Variants in ADAP2 observed in about 807,000 individuals in gnomAD.
The protein encoded by ADAP2 is arf-GAP with dual PH domain-containing protein 2.
ADAP2 carries 42 observed loss-of-function variants against 54.9 expected under a neutral mutation model. The observed-to-expected ratio is 0.77, with a 90% CI of 0.60 to 0.99. The LOEUF (loss-of-function observed/expected upper bound fraction) is 0.99. Among genes scored for constraint, ADAP2 ranks in the 50% least tolerant of loss-of-function variants. The probability of loss-of-function intolerance (pLI) is 0.00; values close to 1 mark genes in which losing one functional copy is unlikely to be tolerated. For missense variants in ADAP2, 429 were observed against 480.4 expected, an observed-to-expected ratio of 0.89 and a Z score of 1.00; for synonymous variants, 177 against 180.1, an observed-to-expected ratio of 0.98 and a Z score of 0.14.
intron 7 of ADAP2, among the ~76,000 whole-genome samples, chr17:30,951,272 G>A (rs1402369569): frequency 6.6e-6 from 1 of 152,120 alleles, no homozygotes; most frequent in Admixed American, 6.6e-5. Flanking sequence ...AGACTCCAGC[G>A]AGCCAAGGCA....
intron 5 of ADAP2, among the ~76,000 whole-genome samples, chr17:30,938,465 A>G (rs1305642406): frequency 6.6e-6 from 1 of 152,184 alleles, no homozygotes; most frequent in Non-Finnish European, 1.5e-5. Flanking sequence ...GGGGAGGGGA[A>G]ATAGATTCAA....
intron 5 of ADAP2, among the ~76,000 whole-genome samples, chr17:30,939,925 A>G (rs1485097577): frequency 6.6e-6 from 1 of 152,138 alleles, no homozygotes; most frequent in Non-Finnish European, 1.5e-5. Flanking sequence ...GGTCCTGGGA[A>G]TTTAACCATG....
rs1904917496 is a variant in ADAP2 at position 30,954,535 on chromosome 17, C to T, written c.862C>T (p.Leu288Phe). The T allele has an allele frequency of 6.2e-7, 1 of 1,614,070 alleles. No individual in the cohort carries two copies. The highest frequency in any genetic ancestry group is 8.5e-7 in the Non-Finnish European group (1 of 1,179,968). Residue 288 changes from leucine to phenylalanine, a missense_variant, in exon 9 of 11, where the codon CTC becomes TTC. Coordinates refer to ENST00000330889, the MANE Select transcript of ADAP2 (RefSeq NM_018404.3). ...CCTGGATTGCCATGAGCGGAGGCTG[C>T]TCTATTACAAGAACCCACTGGTAAG... ...FALDCHERRL[L>F]YYKNPLDAFE...
intron 3 of ADAP2, among the ~76,000 whole-genome samples, chr17:30,930,379 C>G (rs1183486281): frequency 6.6e-6 from 1 of 151,966 alleles, no homozygotes; most frequent in African/African-American, 2.4e-5. Context: ...GCCAGAAGCC[C>G]AGTTTAAACC....
intron 5 of ADAP2, among the ~76,000 whole-genome samples, chr17:30,936,268 C>T (rs1216523099): frequency 6.6e-6 from 1 of 152,134 alleles, no homozygotes; most frequent in Non-Finnish European, 1.5e-5. Context: ...ACTCCTCCTG[C>T]TCCGGTCTCT....
In ADAP2 at chr17:30,942,263, AG is replaced by A. The variant is rs561181418; in HGVS notation, c.511-2643del. Among the ~76,000 whole-genome samples the A allele has an allele frequency of 7.2e-4, 110 of 152,320 alleles. 2 individuals are homozygous for A. The highest frequency in any genetic ancestry group is 1.4e-3 in the Non-Finnish European group (92 of 68,044). On this transcript the variant is annotated intron_variant, in intron 5 of 10. Coordinates refer to ENST00000330889, the MANE Select transcript of ADAP2 (RefSeq NM_018404.3). ...ACTACACCTCAATAAATGTTGATTA[AG>A]TGAAAATTAACAATGAGATACAATT...
chr17:30,925,572 T>C (rs1001891965), intron 2 of ADAP2, among the ~76,000 whole-genome samples: 3 of 149,612 alleles, frequency 2.0e-5, no homozygotes, highest in African/African-American at 2.5e-5. Context: ...TTCTTCTCTT[T>C]TCTTTTCTTT....
intron 2 of ADAP2, 113 bp from the exon 3 acceptor site, chr17:30,926,714 C>T (rs890849118): frequency 1.0e-4 from 89 of 869,480 alleles, no homozygotes; most frequent in Non-Finnish European, 1.4e-4. Context: ...CCCGGTGGGA[C>T]ATCTCCTTCT....
At chr17:30,925,848 C>T (rs540283989) in intron 2 of ADAP2, among the ~76,000 whole-genome samples, 4 of 152,124 alleles carry the variant, frequency 2.6e-5, no homozygotes, top group Non-Finnish European at 5.9e-5. Context: ...CAACCTCTGC[C>T]TCCCGGGTTC....
In ADAP2 at chr17:30,949,388, C is replaced by A; in HGVS notation, c.741+18C>A. The A allele has an allele frequency of 1.2e-6, 2 of 1,608,038 alleles. No homozygotes were observed. Among genetic ancestry groups the A allele is most frequent in the South Asian group, 1.1e-5 (1 of 90,956 alleles). ...AGTCTGAGGTGAGCTAAATGCGGAC[C>A]CCAATTTCTGAATCTCCTCTTGGCC... On this transcript the variant is annotated intron_variant, in intron 7 of 10. Coordinates refer to ENST00000330889, the MANE Select transcript of ADAP2 (RefSeq NM_018404.3).
intron 2 of ADAP2, among the ~76,000 whole-genome samples, chr17:30,924,349 G>A (rs1456355756): frequency 2.0e-5 from 3 of 151,684 alleles, no homozygotes; most frequent in South Asian, 2.1e-4. Context: ...CTCCAGCCAG[G>A]GTGAGAGTGA....
In ADAP2 at chr17:30,958,490, G is replaced by A. The variant is rs781630785; in HGVS notation, c.*621G>A. ...CAGAGCACCAAGTCCCCTGCTCTGT[G>A]ACTCGTTGTTCCTTTCCTCTGTCTT... On this transcript the variant is annotated 3_prime_UTR_variant, in exon 11 of 11. Coordinates refer to ENST00000330889, the MANE Select transcript of ADAP2 (RefSeq NM_018404.3). 1.3e-5 allele frequency: 2 copies of A among 152,450 alleles called. No individual in the cohort carries two copies. The highest frequency in any genetic ancestry group is 2.9e-5 in the Non-Finnish European group (2 of 68,232). The allele number at this position is 152,450 out of a possible 1,614,324, so 9.4% of individuals were successfully genotyped here.
At position 30,954,470 on chromosome 17, in the gene ADAP2, T is replaced by C. The variant is rs751329619; in HGVS notation, c.805-8T>C. 6.8e-6 allele frequency: 11 copies of C among 1,613,926 alleles called. No individual in the cohort carries two copies. Among genetic ancestry groups the C allele is most frequent in the Non-Finnish European group, 9.3e-6 (11 of 1,179,808 alleles). ...GTCATCTGTGGTAAGAAGTTCCCTC[T>C]TTTGCAGCAGAAAGAACCTTTCAAG... On this transcript the variant is annotated splice_polypyrimidine_tract_variant and splice_region_variant and intron_variant, in intron 8 of 10. Transcript: ENST00000330889.
At chr17:30,926,719 C>A in intron 2 of ADAP2, 108 bp from the exon 3 acceptor site, 1 of 940,398 alleles carries the variant, frequency 1.1e-6, no homozygotes, top group Non-Finnish European at 1.7e-6. Flanking sequence ...TGGGACATCT[C>A]CTTCTTGGAG....
At chr17:30,955,100 T>C (rs944279660) in intron 9 of ADAP2, among the ~76,000 whole-genome samples, 3 of 144,924 alleles carry the variant, frequency 2.1e-5, no homozygotes, top group African/African-American at 8.7e-5. Flanking sequence ...TCCGTAAATG[T>C]TAGGTATCAC....
chr17:30,954,323 C>T, intron 8 of ADAP2, 155 bp from the exon 9 acceptor site: 3 of 674,610 alleles, frequency 4.4e-6, no homozygotes, highest in South Asian at 3.3e-5. Flanking sequence ...CCTATCCAGG[C>T]CCCAGGGAGA....
rs778391643 is a variant in ADAP2, at chr17:30,956,466, C to T, written c.1108C>T (p.Leu370Phe). ...CAGCCCCTTGACGCCCCTCAACCGG[C>T]TTAGTAAGAAGCAGGAACTGAGGGG... is the stretch of plus-strand genomic sequence containing the variant. Reference protein sequence around the residue: ...LSSPLTPLNRLTASTESGRSS... With the variant: ...LSSPLTPLNRFTASTESGRSS... Residue 370 changes from leucine (L) to phenylalanine (F), a missense_variant, in exon 10 of 11, where the codon CTT becomes TTT. By Grantham distance (22) the Leu-to-Phe change is conservative. Coordinates refer to ENST00000330889, the MANE Select transcript of ADAP2 (RefSeq NM_018404.3). 1 of 1,614,078 alleles carries T rather than the reference C, an allele frequency of 6.2e-7. No homozygotes were observed. Among genetic ancestry groups the T allele is most frequent in the Non-Finnish European group, 8.5e-7 (1 of 1,179,960 alleles).
intron 1 of ADAP2, 147 bp downstream of exon 1, chr17:30,922,255 C>A: frequency 2.1e-6 from 1 of 484,670 alleles, no homozygotes; most frequent in Non-Finnish European, 3.2e-6. Flanking sequence ...CCACCCACAC[C>A]GTGAACCTCT....
At chr17:30,937,645 G>A (rs1911985312) in intron 5 of ADAP2, among the ~76,000 whole-genome samples, 1 of 152,188 alleles carries the variant, frequency 6.6e-6, no homozygotes, top group Admixed American at 6.5e-5. Context: ...GAAGAAGAAT[G>A]GTGGATCCGA....
Sources: gnomAD v4.1 joint callset for allele counts (sites outside exome capture counted in the v4.1 genomes callset) on GRCh38, gnomAD v4.1.1 for gene constraint, MANE v1.5 for transcripts, NCBI Gene and HGNC (gene_info 2026-07-23, HGNC 2026-07-21) for gene names.